Variants in LRRIQ3 observed in about 807,000 individuals in gnomAD.
LRRIQ3 encodes leucine-rich repeat and IQ domain-containing protein 3.
LRRIQ3 carries 75 observed loss-of-function variants against 59.3 expected under a neutral mutation model. That is an observed-to-expected ratio of 1.26 (90% CI 1.05 to 1.53). LRRIQ3 has a LOEUF of 1.53. Among genes scored for constraint, LRRIQ3 ranks in the 40% most tolerant of loss-of-function variants. LRRIQ3 has a pLI of 0.00. For synonymous variants in LRRIQ3, 250 were observed against 231.3 expected, an observed-to-expected ratio of 1.08 and a Z score of -0.73; for missense variants, 831 against 710.0, an observed-to-expected ratio of 1.17 and a Z score of -1.94.
In LRRIQ3 at chr1:74,198,125, C is replaced by A. The variant is rs1358454606; in HGVS notation, c.-130G>T. The A allele has an allele frequency of 2.1e-6, 3 of 1,429,196 alleles. No homozygotes were observed. In the African/African-American group the frequency reaches 4.3e-5, roughly 20 times the overall value. 88.5% of individuals were successfully genotyped at this position (1,429,196 alleles called of 1,614,324 possible). A position where few individuals can be genotyped will look rare whatever the true frequency, so the allele number is the denominator to read the frequency against. Reference sequence around the variant, plus strand: ...AGAGAAACAAGACAACATCCAAGTTCTCCACATCATGGTTTTCCGGGCGCC... The same window carrying A: ...AGAGAAACAAGACAACATCCAAGTTATCCACATCATGGTTTTCCGGGCGCC... On this transcript the variant is annotated 5_prime_UTR_variant, in exon 1 of 8. Coordinates refer to ENST00000354431, the MANE Select transcript of LRRIQ3 (RefSeq NM_001105659.2).
intron 3 of LRRIQ3, among the ~76,000 whole-genome samples, chr1:74,162,269 A>C (rs1648702599): frequency 6.6e-6 from 1 of 151,862 alleles, no homozygotes; most frequent in Non-Finnish European, 1.5e-5. Context: ...GTACTAATTA[A>C]TTTATCCAAA....
At chr1:74,047,025 T>C (rs1419578081) in intron 6 of LRRIQ3, among the ~76,000 whole-genome samples, 2 of 152,136 alleles carry the variant, frequency 1.3e-5, no homozygotes, top group African/African-American at 4.8e-5. Context: ...GTTCAACCAT[T>C]GTGGGAGACA....
At chr1:74,077,351 T>C (rs1186639301) in intron 5 of LRRIQ3, among the ~76,000 whole-genome samples, 1 of 152,008 alleles carries the variant, frequency 6.6e-6, no homozygotes, top group African/African-American at 2.4e-5. Context: ...CTTTCTTCTA[T>C]ATATCTCACT....
At position 74,079,610 on chromosome 1, in the gene LRRIQ3, C is replaced by T. The variant is rs116810103; in HGVS notation, c.868-4820G>A. On this transcript the variant is annotated intron_variant, in intron 5 of 7. Transcript: ENST00000354431. Reference sequence around the variant, plus strand: ...AGATTTGTTTTGTTTTGTTTTTTCCCTAGAATCTAATCCACAAGGGCAAGG... The same window carrying T: ...AGATTTGTTTTGTTTTGTTTTTTCCTTAGAATCTAATCCACAAGGGCAAGG... 7.8e-3 allele frequency among the ~76,000 whole-genome samples: 1,191 copies of T among 151,752 alleles called. 19 individuals carry two copies. Among genetic ancestry groups the T allele is most frequent in the African/African-American group, 0.027 (1,115 of 41,472 alleles).
chr1:74,097,414 C>A (rs987994058), intron 5 of LRRIQ3, among the ~76,000 whole-genome samples: 6 of 152,140 alleles, frequency 3.9e-5, no homozygotes, highest in African/African-American at 1.4e-4. Context: ...GTGAAAAGAC[C>A]AAATCTACGT....
At chr1:74,164,063 G>A (rs987339267) in intron 3 of LRRIQ3, among the ~76,000 whole-genome samples, 14 of 151,274 alleles carry the variant, frequency 9.3e-5, no homozygotes, top group South Asian at 2.1e-4. Flanking sequence ...TCCTCTTCTG[G>A]ATTTTGTTCA....
intron 1 of LRRIQ3, among the ~76,000 whole-genome samples, chr1:74,189,495 T>C (rs1333065080): frequency 6.6e-6 from 1 of 152,154 alleles, no homozygotes; most frequent in Non-Finnish European, 1.5e-5. Flanking sequence ...ATAGAATTTT[T>C]ATGAGGACGA....
At chr1:74,065,326 G>C (rs765053833) in intron 6 of LRRIQ3, among the ~76,000 whole-genome samples, 3 of 152,022 alleles carry the variant, frequency 2.0e-5, no homozygotes, top group Non-Finnish European at 4.4e-5. Flanking sequence ...TTATATTAAG[G>C]AACAGTCTCC....
rs576608626 is a variant in LRRIQ3, at chr1:74,078,051, T to C, written c.868-3261A>G. 2.6e-5 allele frequency among the ~76,000 whole-genome samples: 4 copies of C among 152,050 alleles called. No individual in the cohort carries two copies. In the East Asian group the frequency reaches 7.7e-4, roughly 29 times the overall value. On this transcript the variant is annotated intron_variant, in intron 5 of 7. Transcript: ENST00000354431. ...AAAGGAATAATAATCAAGGAATAAG[T>C]TGACAATAAACTAATTATATCAAAT... is the stretch of plus-strand genomic sequence containing the variant.
intron 6 of LRRIQ3, among the ~76,000 whole-genome samples, chr1:74,069,809 C>T (rs945189641): frequency 3.3e-5 from 5 of 151,974 alleles, no homozygotes; most frequent in African/African-American, 1.2e-4. Flanking sequence ...AATATGCAAG[C>T]TCCAAGACAG....
chr1:74,106,921 G>C (rs1213204362), intron 5 of LRRIQ3, among the ~76,000 whole-genome samples: 2 of 151,898 alleles, frequency 1.3e-5, no homozygotes, highest in Non-Finnish European at 2.9e-5. Flanking sequence ...GAAAAGTAAT[G>C]TCCCTAGTAA....
intron 6 of LRRIQ3, among the ~76,000 whole-genome samples, chr1:74,051,699 T>C (rs1158016840): frequency 6.6e-6 from 1 of 152,144 alleles, no homozygotes. Context: ...ATCTACTTTC[T>C]GTCTGCCAGA....
chr1:74,069,811 C>A (rs1654969629), intron 6 of LRRIQ3, among the ~76,000 whole-genome samples: 1 of 152,112 alleles, frequency 6.6e-6, no homozygotes, highest in African/African-American at 2.4e-5. Context: ...TATGCAAGCT[C>A]CAAGACAGTA....
At chr1:74,046,925 G>A (rs939265702) in intron 6 of LRRIQ3, among the ~76,000 whole-genome samples, 2 of 152,142 alleles carry the variant, frequency 1.3e-5, no homozygotes, top group African/African-American at 4.8e-5. Context: ...AGTAAGAATG[G>A]CAATCATTAA....
chr1:74,074,221 GTA>G (rs1646174420), intron 6 of LRRIQ3, among the ~76,000 whole-genome samples: 1 of 151,996 alleles, frequency 6.6e-6, no homozygotes, highest in African/African-American at 2.4e-5. Flanking sequence ...TTCTGAATAT[GTA>G]TATTTAGAAA....
intron 3 of LRRIQ3, among the ~76,000 whole-genome samples, chr1:74,169,476 G>A (rs1007708866): frequency 5.3e-5 from 8 of 152,210 alleles, no homozygotes; most frequent in Non-Finnish European, 1.2e-4. Context: ...ACTTTGTTGA[G>A]AAACCTCCAT....
chr1:74,060,206 C>T (rs865808011), intron 6 of LRRIQ3, among the ~76,000 whole-genome samples: 3 of 49,216 alleles, frequency 6.1e-5, no homozygotes, highest in Non-Finnish European at 1.6e-4. Context: ...TCTTCTTCTT[C>T]TTCTTCTTCT....
Position 74,102,364 on chromosome 1 carries a change from T to C in LRRIQ3, c.867+7030A>G, listed in dbSNP as rs561181816. Among the ~76,000 whole-genome samples, 20 of 152,030 alleles carry C rather than the reference T, an allele frequency of 1.3e-4. No homozygotes were observed. In the South Asian group the frequency reaches 3.5e-3, roughly 27 times the overall value. On this transcript the variant is annotated intron_variant, in intron 5 of 7. Coordinates refer to ENST00000354431, the MANE Select transcript of LRRIQ3 (RefSeq NM_001105659.2). ...AAGACACAGAAATGCCTCAAAAGTA[T>C]ATAAAAATGCCCAATGAAACTAATC...
intron 3 of LRRIQ3, among the ~76,000 whole-genome samples, chr1:74,163,205 T>C (rs1648761604): frequency 6.6e-6 from 1 of 151,530 alleles, no homozygotes; most frequent in Non-Finnish European, 1.5e-5. Context: ...ATCCCATAAG[T>C]GTTTATTTCA....
Sources: gnomAD v4.1 joint callset for allele counts (sites outside exome capture counted in the v4.1 genomes callset) on GRCh38, gnomAD v4.1.1 for gene constraint, MANE v1.5 for transcripts, NCBI Gene and HGNC (gene_info 2026-07-23, HGNC 2026-07-21) for gene names.